The following PLXNA4 variants were observed in gnomAD, a reference collection of about 807,000 sequenced individuals.
PLXNA4 encodes the protein plexin-A4.
In PLXNA4, 44 loss-of-function variants were observed where a neutral mutation model predicts 191.8. The ratio of observed to expected loss-of-function variants is 0.23; its 90% confidence interval spans 0.18 to 0.29. PLXNA4 has a LOEUF of 0.29. PLXNA4 is among the 10% of genes least tolerant of loss of function. The pLI is 1.00. For synonymous variants in PLXNA4, 1,082 were observed against 1,009.5 expected (o/e 1.07, Z -1.36); for missense variants, 1,800 against 2,488.8 (o/e 0.72, Z 5.89).
In PLXNA4 at chr7:132,220,038, A is replaced by G. The variant is rs569790585; in HGVS notation, c.2097+3489T>C. On this transcript the variant is annotated intron_variant, in intron 9 of 31. Transcript: ENST00000321063. ...CATTTCTCAGAGGGCATCCCCAACAATAAGCAGCCCATGACTGTATATTGC... is the reference window on the plus strand; with the variant it reads ...CATTTCTCAGAGGGCATCCCCAACAGTAAGCAGCCCATGACTGTATATTGC... Among the ~76,000 whole-genome samples the G allele has an allele frequency of 7.8e-4, 119 of 152,364 alleles. 1 individual carries two copies. Among genetic ancestry groups the G allele is most frequent in the African/African-American group, 2.8e-3 (118 of 41,586 alleles).
intron 9 of PLXNA4, among the ~76,000 whole-genome samples, chr7:132,221,399 G>A (rs1034830802): frequency 7.2e-5 from 11 of 152,210 alleles, no homozygotes; most frequent in African/African-American, 2.7e-4. Flanking sequence ...GAAAGCTGGA[G>A]AGAAGCTGAG....
chr7:132,281,180 G>C (rs984242357), intron 4 of PLXNA4, among the ~76,000 whole-genome samples: 1 of 152,122 alleles, frequency 6.6e-6, no homozygotes. Flanking sequence ...AAGGCTCTAA[G>C]GTCTAAGGTT....
intron 1 of PLXNA4, among the ~76,000 whole-genome samples, chr7:132,565,887 T>G (rs1210673254): frequency 6.6e-6 from 1 of 152,190 alleles, no homozygotes; most frequent in East Asian, 1.9e-4. Flanking sequence ...GCCACACTTC[T>G]CCAAAGTCAA....
intron 21 of PLXNA4, among the ~76,000 whole-genome samples, chr7:132,173,561 T>C (rs1316042956): frequency 6.6e-6 from 1 of 152,158 alleles, no homozygotes. Flanking sequence ...CACACAAGCC[T>C]ATGCTTCATG....
intron 3 of PLXNA4, among the ~76,000 whole-genome samples, chr7:132,465,198 C>A (rs1796654378): frequency 6.6e-6 from 1 of 152,164 alleles, no homozygotes; most frequent in Admixed American, 6.5e-5. Flanking sequence ...CCCCACCAGG[C>A]AGTGTGGAGG....
intron 1 of PLXNA4, among the ~76,000 whole-genome samples, chr7:132,524,907 C>T (rs1333741474): frequency 1.3e-5 from 2 of 152,074 alleles, no homozygotes; most frequent in Admixed American, 6.6e-5. Context: ...GTTTAAAACT[C>T]GTGATAAAAT....
chr7:132,563,283 T>C (rs1200453162), intron 1 of PLXNA4, among the ~76,000 whole-genome samples: 8 of 97,576 alleles, frequency 8.2e-5, no homozygotes, highest in Non-Finnish European at 1.0e-4. Context: ...TCCTCCTCCT[T>C]CTCCTCCTCC....
At chr7:132,148,133 T>A in intron 26 of PLXNA4, 134 bp from the exon 27 acceptor site, 1 of 1,339,742 alleles carries the variant, frequency 7.5e-7, no homozygotes, top group African/African-American at 1.4e-5. Context: ...TTGGAGGCTG[T>A]CAGCTTTCCT....
chr7:132,375,464 C>A (rs1483761492), intron 3 of PLXNA4, among the ~76,000 whole-genome samples: 1 of 152,172 alleles, frequency 6.6e-6, no homozygotes, highest in Non-Finnish European at 1.5e-5. Flanking sequence ...ATACCATGTG[C>A]ATGTTCTGTG....
At chr7:132,194,282 A>G (rs895069307) in intron 13 of PLXNA4, 103 bp from the exon 14 acceptor site, 22 of 1,458,880 alleles carry the variant, frequency 1.5e-5, no homozygotes, top group Non-Finnish European at 1.9e-5. Flanking sequence ...GTAGGATCTC[A>G]GGGATGGCCA....
At chr7:132,400,766 G>GA (rs1563078088) in intron 3 of PLXNA4, among the ~76,000 whole-genome samples, 1 of 152,138 alleles carries the variant, frequency 6.6e-6, no homozygotes, top group African/African-American at 2.4e-5. Context: ...GTCCTCCTCG[G>GA]GAAAGCTCCC....
chr7:132,181,589 G>A lies in PLXNA4; in HGVS notation c.3284C>T (p.Thr1095Ile), dbSNP rs778613376. The A allele has an allele frequency of 1.1e-5, 17 of 1,614,214 alleles. No individual in the cohort carries two copies. The highest frequency in any genetic ancestry group is 1.4e-5 in the Non-Finnish European group (17 of 1,180,046). ...ICEVLNATEM[T>I]CQAPALALGP... ...CAGAGCGAGGGCGGGCGCCTGACAGGTCATCTCAGTAGCGTTCAGAACCTC... is the reference window on the plus strand; with the variant it reads ...CAGAGCGAGGGCGGGCGCCTGACAGATCATCTCAGTAGCGTTCAGAACCTC... The change falls in exon 18 of 32, where the codon ACC becomes ATC. Residue 1095 changes from threonine (T) to isoleucine (I), a missense_variant. Coordinates refer to ENST00000321063, the MANE Select transcript of PLXNA4 (RefSeq NM_020911.2).
chr7:132,509,957 T>C (rs1398552051), intron 1 of PLXNA4, among the ~76,000 whole-genome samples: 4 of 152,194 alleles, frequency 2.6e-5, no homozygotes, highest in Non-Finnish European at 5.9e-5. Context: ...CTGAGAGGTT[T>C]TCATTAAAGG....
intron 4 of PLXNA4, among the ~76,000 whole-genome samples, chr7:132,258,648 G>T (rs1433810061): frequency 6.6e-6 from 1 of 152,138 alleles, no homozygotes; most frequent in Non-Finnish European, 1.5e-5. Context: ...GCACAATTCT[G>T]TAGGAGCTAT....
At chr7:132,195,395 T>C (rs1472381385) in intron 13 of PLXNA4, among the ~76,000 whole-genome samples, 2 of 152,352 alleles carry the variant, frequency 1.3e-5, no homozygotes, top group East Asian at 3.9e-4. Context: ...CTGATTTTTC[T>C]GCTACTCCAA....
At chr7:132,461,870 A>G (rs1796518574) in intron 3 of PLXNA4, among the ~76,000 whole-genome samples, 2 of 152,216 alleles carry the variant, frequency 1.3e-5, no homozygotes, top group African/African-American at 2.4e-5. Context: ...TATTCCCTTC[A>G]TGGGGGAAAA....
At chr7:132,526,630 G>A (rs550733557) in intron 1 of PLXNA4, among the ~76,000 whole-genome samples, 9 of 152,266 alleles carry the variant, frequency 5.9e-5, no homozygotes, top group South Asian at 2.1e-4. Context: ...GCCCCTGTTG[G>A]GGCTGCTGTT....
At chr7:132,488,378 A>G (rs1477863470) in intron 3 of PLXNA4, among the ~76,000 whole-genome samples, 1 of 152,252 alleles carries the variant, frequency 6.6e-6, no homozygotes, top group Non-Finnish European at 1.5e-5. Flanking sequence ...TGGAGGGATT[A>G]AGGCTTAGTC....
intron 25 of PLXNA4, among the ~76,000 whole-genome samples, chr7:132,149,433 G>A (rs879426823): frequency 2.0e-5 from 3 of 152,186 alleles, no homozygotes; most frequent in Non-Finnish European, 2.9e-5. Flanking sequence ...CAAATCACGT[G>A]TAGGTGGAGA....
Sources: gnomAD v4.1 joint callset for allele counts (sites outside exome capture counted in the v4.1 genomes callset) on GRCh38, gnomAD v4.1.1 for gene constraint, MANE v1.5 for transcripts, NCBI Gene and HGNC (gene_info 2026-07-23, HGNC 2026-07-21) for gene names.